PTPRD: variants seen among roughly 807,000 people sequenced by gnomAD.
The protein encoded by PTPRD is protein tyrosine phosphatase receptor type D.
PTPRD carries 34 observed loss-of-function variants against 214.5 expected under a neutral mutation model. That is an observed-to-expected ratio of 0.16 (90% confidence interval 0.12 to 0.21). The LOEUF (loss-of-function observed/expected upper bound fraction) is 0.21. Among genes scored for constraint, PTPRD ranks in the 10% least tolerant of loss-of-function variants. The pLI is 1.00. For missense variants in PTPRD, 2,545 were observed against 2,398.7 expected (o/e 1.06, Z -1.27); for synonymous variants, 1,128 against 845.7 (o/e 1.33, Z -5.79).
chr9:10,240,107 G>C (rs1010183781), intron 3 of PTPRD, among the ~76,000 whole-genome samples: 9 of 151,934 alleles, frequency 5.9e-5, no homozygotes, highest in African/African-American at 1.9e-4. Context: ...ATTAGCATTA[G>C]ATTATATACT....
At chr9:8,808,049 G>T (rs183946045) in intron 11 of PTPRD, among the ~76,000 whole-genome samples, 1 of 152,078 alleles carries the variant, frequency 6.6e-6, no homozygotes, top group South Asian at 2.1e-4. Context: ...TTTGCACAAG[G>T]TCATGAAAGT....
intron 11 of PTPRD, among the ~76,000 whole-genome samples, chr9:8,957,016 T>C (rs753182845): frequency 6.6e-6 from 1 of 151,884 alleles, no homozygotes; most frequent in Non-Finnish European, 1.5e-5. Context: ...AACTCAGTGA[T>C]GTAAGCTAAC....
At chr9:9,873,228 A>C (rs1234309536) in intron 5 of PTPRD, among the ~76,000 whole-genome samples, 1 of 152,118 alleles carries the variant, frequency 6.6e-6, no homozygotes, top group African/African-American at 2.4e-5. Flanking sequence ...TGGAAAGATA[A>C]ACTGTTCTAA....
chr9:9,875,028 T>A (rs914017540), intron 5 of PTPRD, among the ~76,000 whole-genome samples: 54 of 152,262 alleles, frequency 3.5e-4, no homozygotes, highest in African/African-American at 1.3e-3. Context: ...ATTCTGAGAA[T>A]GATTAGATAA....
chr9:9,643,377 C>A (rs1329836945), intron 7 of PTPRD, among the ~76,000 whole-genome samples: 1 of 152,036 alleles, frequency 6.6e-6, no homozygotes, highest in African/African-American at 2.4e-5. Flanking sequence ...GAACATAGGG[C>A]CTCAATCACT....
At chr9:8,485,548 A>G (rs1365030715) in intron 28 of PTPRD, 30 of 625,590 alleles carry the variant, frequency 4.8e-5, no homozygotes, top group Non-Finnish European at 8.0e-5. Context: ...TCCTTACCTG[A>G]GGACATTGGG....
At chr9:8,521,802 C>G (rs746875660) in intron 19 of PTPRD, among the ~76,000 whole-genome samples, 13 of 152,094 alleles carry the variant, frequency 8.5e-5, no homozygotes, top group Non-Finnish European at 1.6e-4. Context: ...CCTACAAGGG[C>G]CCCACAAAAA....
chr9:8,863,557 A>G (rs543968953), intron 11 of PTPRD, among the ~76,000 whole-genome samples: 211 of 152,356 alleles, frequency 1.4e-3, no homozygotes, highest in Non-Finnish European at 2.7e-3. Context: ...AGGCCCATTA[A>G]TGCATACATT....
At chr9:10,442,998 A>AT (rs1369739825) in intron 2 of PTPRD, among the ~76,000 whole-genome samples, 1 of 150,886 alleles carries the variant, frequency 6.6e-6, no homozygotes, top group Non-Finnish European at 1.5e-5. Context: ...ATCAAGTAGA[A>AT]TTTTCTCCTT....
At chr9:9,393,923 C>T (rs987980014) in intron 9 of PTPRD, among the ~76,000 whole-genome samples, 1 of 152,150 alleles carries the variant, frequency 6.6e-6, no homozygotes, top group Non-Finnish European at 1.5e-5. Context: ...CCCATGCCAA[C>T]ACGAACTCCG....
chr9:9,075,642 T>A (rs903949962), intron 10 of PTPRD, among the ~76,000 whole-genome samples: 2 of 152,118 alleles, frequency 1.3e-5, no homozygotes, highest in African/African-American at 4.8e-5. Context: ...TTCCCACCTG[T>A]GAGTGAGAAC....
chr9:9,302,287 T>G (rs1322140929), intron 9 of PTPRD, among the ~76,000 whole-genome samples: 1 of 151,982 alleles, frequency 6.6e-6, no homozygotes, highest in Admixed American at 6.6e-5. Context: ...TTTGGCAAGT[T>G]AGGAAAGTTA....
chr9:10,028,998 G>A (rs1307539512), intron 4 of PTPRD, among the ~76,000 whole-genome samples: 1 of 152,084 alleles, frequency 6.6e-6, no homozygotes, highest in East Asian at 1.9e-4. Context: ...GCCGCCTAGG[G>A]ACTTGGTGCC....
At chr9:9,523,004 C>A (rs2097025970) in intron 8 of PTPRD, among the ~76,000 whole-genome samples, 1 of 152,096 alleles carries the variant, frequency 6.6e-6, no homozygotes, top group Non-Finnish European at 1.5e-5. Flanking sequence ...TAGCAGAAAA[C>A]AACACTAATA....
At chr9:8,768,206 G>A (rs981620501) in intron 11 of PTPRD, among the ~76,000 whole-genome samples, 12 of 152,102 alleles carry the variant, frequency 7.9e-5, no homozygotes, top group African/African-American at 2.9e-4. Flanking sequence ...ACCACCCTGG[G>A]CAACATAGTG....
chr9:8,326,248 G>C (rs552251940), intron 44 of PTPRD, among the ~76,000 whole-genome samples: 7 of 152,154 alleles, frequency 4.6e-5, no homozygotes, highest in Admixed American at 6.6e-5. Context: ...CGTTCCATCA[G>C]TACCTAGTTT....
At chr9:8,748,847 T>C (rs1012142460) in intron 11 of PTPRD, among the ~76,000 whole-genome samples, 1 of 151,598 alleles carries the variant, frequency 6.6e-6, no homozygotes, top group Middle Eastern at 3.2e-3. Context: ...GGAGCGGGGG[T>C]TGTGGTAAGC....
At position 8,918,827 on chromosome 9, in the gene PTPRD, A is replaced by G. The variant is rs1002604615; in HGVS notation, c.-104+99870T>C. Among the ~76,000 whole-genome samples the G allele has an allele frequency of 1.2e-4, 18 of 152,158 alleles. No homozygotes were observed. The East Asian group carries it at 2.3e-3, about 20-fold the overall frequency. Reference sequence around the variant, plus strand: ...GACCAAACTTTCTCTAACACAACAGATTGTATTACTATGGCCATTTGCACG... The same window carrying G: ...GACCAAACTTTCTCTAACACAACAGGTTGTATTACTATGGCCATTTGCACG... On this transcript the variant is annotated intron_variant, in intron 11 of 45. Coordinates refer to ENST00000381196, the MANE Select transcript of PTPRD (RefSeq NM_002839.4).
At chr9:9,252,809 C>A (rs553777384) in intron 9 of PTPRD, among the ~76,000 whole-genome samples, 1 of 152,170 alleles carries the variant, frequency 6.6e-6, no homozygotes, top group East Asian at 1.9e-4. Context: ...TAATACGCTT[C>A]TGTTTCTTTT....
Sources: gnomAD v4.1 joint callset for allele counts (sites outside exome capture counted in the v4.1 genomes callset) on GRCh38, gnomAD v4.1.1 for gene constraint, MANE v1.5 for transcripts, NCBI Gene and HGNC (gene_info 2026-07-23, HGNC 2026-07-21) for gene names.